The following RBFOX1 variants were observed in gnomAD, a reference collection of about 807,000 sequenced individuals.
RBFOX1 encodes the protein RNA binding fox-1 homolog 1.
A neutral mutation model predicts 57.7 loss-of-function variants in RBFOX1; 8 were observed. That is an observed-to-expected ratio of 0.14 (90% CI 0.08 to 0.25). The LOEUF (loss-of-function observed/expected upper bound fraction) is 0.25, where lower values mean the gene tolerates loss of function less well. RBFOX1 is among the 10% of genes least tolerant of loss of function. The probability of loss-of-function intolerance (pLI) is 1.00; values close to 1 mark genes in which losing one functional copy is unlikely to be tolerated. For missense variants in RBFOX1, 611 were observed against 548.5 expected, an observed-to-expected ratio of 1.11 and a Z score of -1.14; for synonymous variants, 326 against 222.4, an observed-to-expected ratio of 1.47 and a Z score of -4.15.
At chr16:7,186,847 A>G (rs1233636674) in intron 4 of RBFOX1, among the ~76,000 whole-genome samples, 1 of 151,454 alleles carries the variant, frequency 6.6e-6, no homozygotes, top group Non-Finnish European at 1.5e-5. Context: ...AATATTCTTT[A>G]TGACTTATTT....
At chr16:6,943,647 G>T (rs1007867532) in intron 3 of RBFOX1, among the ~76,000 whole-genome samples, 1 of 151,428 alleles carries the variant, frequency 6.6e-6, no homozygotes, top group Non-Finnish European at 1.5e-5. Flanking sequence ...GGCGGAGCTT[G>T]CAGTGAGCCA....
intron 2 of RBFOX1, among the ~76,000 whole-genome samples, chr16:6,496,313 GT>G (rs1166910143): frequency 1.2e-4 from 19 of 152,158 alleles, no homozygotes; most frequent in Non-Finnish European, 1.5e-5. Context: ...TCCTTCATTT[GT>G]TGTTCTTCAT....
intron 2 of RBFOX1, among the ~76,000 whole-genome samples, chr16:6,433,961 C>T (rs780909864): frequency 1.3e-5 from 2 of 151,618 alleles, no homozygotes; most frequent in Non-Finnish European, 2.9e-5. Context: ...AATTTCCATG[C>T]CTCATCCTCC....
intron 2 of RBFOX1, among the ~76,000 whole-genome samples, chr16:6,583,640 G>A (rs753988164): frequency 2.0e-5 from 3 of 152,186 alleles, no homozygotes; most frequent in Non-Finnish European, 4.4e-5. Flanking sequence ...TCTCTGGCTG[G>A]TTTTGTCAAG....
intron 4 of RBFOX1, among the ~76,000 whole-genome samples, chr16:5,926,566 C>T (rs1712805105): frequency 1.3e-5 from 2 of 152,182 alleles, no homozygotes; most frequent in African/African-American, 4.8e-5. Context: ...GATTCTACTA[C>T]ACCTCAGACT....
At chr16:5,628,960 A>G (rs1007670129) in intron 3 of RBFOX1, among the ~76,000 whole-genome samples, 1 of 152,230 alleles carries the variant, frequency 6.6e-6, no homozygotes, top group African/African-American at 2.4e-5. Context: ...GTTATGGCTG[A>G]TGCCAAATGT....
At chr16:6,866,539 C>CTCTTTTTTTTT (rs1161474639) in intron 3 of RBFOX1, among the ~76,000 whole-genome samples, 1 of 49,088 alleles carries the variant, frequency 2.0e-5, no homozygotes, top group Admixed American at 2.2e-4. Context: ...TTCTTTCCTT[C>CTCTTTTTTTTT]TATTTTTTTT....
intron 3 of RBFOX1, among the ~76,000 whole-genome samples, chr16:6,879,121 C>G (rs1260245388): frequency 6.6e-6 from 1 of 152,148 alleles, no homozygotes; most frequent in Non-Finnish European, 1.5e-5. Flanking sequence ...TACAGTTTGA[C>G]CTTCATTTCA....
intron 3 of RBFOX1, among the ~76,000 whole-genome samples, chr16:6,945,328 C>T (rs545422055): frequency 1.3e-5 from 2 of 152,266 alleles, no homozygotes; most frequent in East Asian, 3.9e-4. Context: ...AGATGCTTAC[C>T]TAGGGCCAGA....
intron 3 of RBFOX1, among the ~76,000 whole-genome samples, chr16:6,763,111 G>A (rs903620997): frequency 5.9e-5 from 9 of 152,200 alleles, no homozygotes; most frequent in Admixed American, 5.2e-4. Context: ...TCAGACCACT[G>A]TCTCCTCCAC....
intron 2 of RBFOX1, among the ~76,000 whole-genome samples, chr16:6,434,764 G>A (rs907414541): frequency 2.0e-5 from 3 of 152,154 alleles, no homozygotes; most frequent in Non-Finnish European, 2.9e-5. Context: ...CTGTTTATAA[G>A]TATTTTATAT....
At chr16:7,013,867 A>G (rs1022158731) in intron 3 of RBFOX1, among the ~76,000 whole-genome samples, 4 of 152,248 alleles carry the variant, frequency 2.6e-5, no homozygotes, top group Admixed American at 6.5e-5. Flanking sequence ...CATGTTACCC[A>G]GGTCATTCTT....
chr16:6,856,609 A>G (rs1242044426), intron 3 of RBFOX1, among the ~76,000 whole-genome samples: 2 of 152,180 alleles, frequency 1.3e-5, no homozygotes. Context: ...GGAATTCATT[A>G]AAGATGAGAA....
intron 1 of RBFOX1, among the ~76,000 whole-genome samples, chr16:5,361,284 C>G (rs930017852): frequency 1.3e-5 from 2 of 152,140 alleles, no homozygotes; most frequent in Non-Finnish European, 2.9e-5. Flanking sequence ...GGTATAGTTG[C>G]TGTCCAAGGA....
At chr16:7,558,804 A>G (rs369351084) in intron 5 of RBFOX1, among the ~76,000 whole-genome samples, 24 of 152,342 alleles carry the variant, frequency 1.6e-4, no homozygotes, top group African/African-American at 5.0e-4. Context: ...AGCCAATGCC[A>G]TAAGCCTTTC....
intron 3 of RBFOX1, among the ~76,000 whole-genome samples, chr16:6,800,518 C>G (rs750500185): frequency 6.6e-6 from 1 of 152,060 alleles, no homozygotes; most frequent in Non-Finnish European, 1.5e-5. Context: ...CCAGGTGATT[C>G]AAAAGCCGCC....
At chr16:5,718,775 C>T (rs955184353) in intron 3 of RBFOX1, among the ~76,000 whole-genome samples, 5 of 152,034 alleles carry the variant, frequency 3.3e-5, no homozygotes, top group African/African-American at 7.2e-5. Context: ...GGGGCATAGT[C>T]GTGGGTACCT....
rs1295556103 is a variant in RBFOX1, at chr16:6,960,363, A to G, written c.-15-91694A>G. 4.6e-5 allele frequency among the ~76,000 whole-genome samples: 7 copies of G among 152,270 alleles called. 1 individual carries two copies. The South Asian group carries it at 6.2e-4, about 14-fold the overall frequency. On this transcript the variant is annotated intron_variant, in intron 3 of 15. Transcript: ENST00000550418. ...TAGACATATAGCTTAGAAGCTGTAT[A>G]AGCTCTGGAAAACTTTCTAATTTTA...
At chr16:5,472,403 G>A (rs956192838) in intron 2 of RBFOX1, among the ~76,000 whole-genome samples, 2 of 152,132 alleles carry the variant, frequency 1.3e-5, no homozygotes, top group Non-Finnish European at 2.9e-5. Flanking sequence ...TTGCAGCAGG[G>A]GGGATCCTCA....
Sources: allele counts gnomAD v4.1 joint callset (sites outside exome capture counted in the v4.1 genomes callset), GRCh38; gene constraint gnomAD v4.1.1; transcripts MANE v1.5; gene names NCBI Gene and HGNC (gene_info 2026-07-23, HGNC 2026-07-21).